Variants in SASH1 observed in about 807,000 individuals in gnomAD.
SASH1 encodes the protein SAM and SH3 domain-containing protein 1.
Under a neutral mutation model 125.2 loss-of-function variants are expected in SASH1, and 44 were observed. That is an observed-to-expected ratio of 0.35 (90% CI 0.28 to 0.45). The LOEUF (loss-of-function observed/expected upper bound fraction) is 0.45. Ranked by LOEUF, SASH1 falls within the 20% of genes least tolerant of loss-of-function variation. The pLI is 1.00. For synonymous variants in SASH1, 639 were observed against 649.1 expected, an observed-to-expected ratio of 0.98 and a Z score of 0.24; for missense variants, 1,426 against 1,614.5, an observed-to-expected ratio of 0.88 and a Z score of 2.00.
chr6:148,374,085 C>T (rs527842646), intron 1 of SASH1, among the ~76,000 whole-genome samples: 30 of 152,336 alleles, frequency 2.0e-4, no homozygotes, highest in African/African-American at 7.2e-4. Flanking sequence ...CTTGACAGTA[C>T]ATTGAATTTT....
intron 1 of SASH1, among the ~76,000 whole-genome samples, 195 bp downstream of exon 1, chr6:148,343,418 TC>T (rs780072588): frequency 7.2e-5 from 11 of 152,264 alleles, no homozygotes; most frequent in Middle Eastern, 3.4e-3. Flanking sequence ...CAGCCACAGG[TC>T]CCGTCAAAAG....
intron 2 of SASH1, among the ~76,000 whole-genome samples, chr6:148,393,172 G>A (rs904225501): frequency 1.3e-5 from 2 of 148,592 alleles, no homozygotes; most frequent in Non-Finnish European, 3.0e-5. Flanking sequence ...TCAGCCTCCC[G>A]AGTAGCTGGG....
At position 148,543,950 on chromosome 6, in the gene SASH1, G is replaced by T. The variant is rs1307777339; in HGVS notation, c.2480G>T (p.Gly827Val). 1 of 1,614,000 alleles carries T rather than the reference G, an allele frequency of 6.2e-7. No individual in the cohort carries two copies. Among genetic ancestry groups the T allele is most frequent in the Non-Finnish European group, 8.5e-7 (1 of 1,180,034 alleles). The change falls in exon 18 of 20, where the codon GGC (glycine) becomes GTC (valine). Residue 827 changes from glycine to valine, a missense_variant. This residue lies in a region of SASH1 where 634 missense variants were observed against 694.4 expected (regional missense o/e 0.91). Coordinates refer to ENST00000367467, the MANE Select transcript of SASH1 (RefSeq NM_015278.5). ...SICRSCETLE[G>V]PQTVDTWPRS... is the part of the protein sequence containing the mutation. ...TGCCGGAGCTGTGAGACCCTGGAGGGCCCCCAGACTGTGGACACTTGGCCC... is the reference window on the plus strand; with the variant it reads ...TGCCGGAGCTGTGAGACCCTGGAGGTCCCCCAGACTGTGGACACTTGGCCC...
intron 4 of SASH1, among the ~76,000 whole-genome samples, chr6:148,446,284 AT>A (rs1175820480): frequency 1.3e-5 from 2 of 151,224 alleles, no homozygotes; most frequent in Admixed American, 1.3e-4. Context: ...AATTTTTTGT[AT>A]TTTTAGTAGA....
chr6:148,306,552 T>C (rs1780134388), intron 1 of SASH1, among the ~76,000 whole-genome samples: 1 of 152,184 alleles, frequency 6.6e-6, no homozygotes, highest in East Asian at 1.9e-4. Context: ...ACTAAGTTTC[T>C]CCAGGGAGTC....
chr6:148,345,005 C>G (rs1328377183), intron 1 of SASH1, among the ~76,000 whole-genome samples: 1 of 152,200 alleles, frequency 6.6e-6, no homozygotes, highest in East Asian at 1.9e-4. Context: ...CTGCCCACCT[C>G]GGCCTCCCAA....
chr6:148,296,451 G>T (rs1208785134), intron 1 of SASH1, among the ~76,000 whole-genome samples: 3 of 152,092 alleles, frequency 2.0e-5, no homozygotes, highest in African/African-American at 7.2e-5. Context: ...CATTAAGTAT[G>T]TATTTTATTT....
chr6:148,277,844 G>A (rs6939304), intron 1 of SASH1, among the ~76,000 whole-genome samples: 2,078 of 151,962 alleles, frequency 0.014, 39 homozygotes, highest in African/African-American at 0.047. Context: ...AGCCTCCTGA[G>A]TAACTGGGAC....
At chr6:148,438,392 C>G (rs909046328) in intron 2 of SASH1, among the ~76,000 whole-genome samples, 20 of 152,296 alleles carry the variant, frequency 1.3e-4, no homozygotes, top group African/African-American at 4.8e-4. Flanking sequence ...GCACCTGAGC[C>G]TGACATCCTA....
rs778254148 is a variant in SASH1, at chr6:148,527,603, A to G, written c.1428+7A>G. 6.3e-7 allele frequency: 1 copy of G among 1,597,106 alleles called. No homozygotes were observed. The highest frequency in any genetic ancestry group is 8.5e-7 in the Non-Finnish European group (1 of 1,175,180). ...CAGCTCTGTCTCTGAGCAGGTATGC[A>G]GCTACCTGGTAGAATGTTCCCTTGG... On this transcript the variant is annotated splice_region_variant and intron_variant, in intron 12 of 19. Transcript: ENST00000367467.
the SASH1 span, among the ~76,000 whole-genome samples, chr6:148,233,925 A>C: frequency 2.0e-5 from 3 of 151,698 alleles, no homozygotes; most frequent in Non-Finnish European, 4.4e-5. Context: ...AAAAAAAAAA[A>C]CTAAATGTTC....
At chr6:148,446,817 A>G (rs893358021) in intron 4 of SASH1, among the ~76,000 whole-genome samples, 2 of 152,334 alleles carry the variant, frequency 1.3e-5, no homozygotes, top group East Asian at 1.9e-4. Flanking sequence ...ATGCAAAACT[A>G]AAGGACAGAG....
chr6:148,387,271 G>A (rs1783412157), intron 1 of SASH1, among the ~76,000 whole-genome samples: 1 of 151,454 alleles, frequency 6.6e-6, no homozygotes, highest in African/African-American at 2.4e-5. Flanking sequence ...GCACCCACCA[G>A]CAAGCCCAGC....
chr6:148,447,408 T>C (rs1776847008), intron 4 of SASH1, among the ~76,000 whole-genome samples: 1 of 152,202 alleles, frequency 6.6e-6, no homozygotes, highest in African/African-American at 2.4e-5. Flanking sequence ...CTCTCAGGTA[T>C]GTTTTATCTG....
intron 1 of SASH1, among the ~76,000 whole-genome samples, chr6:148,277,674 A>G (rs766832181): frequency 3.9e-5 from 6 of 152,026 alleles, no homozygotes; most frequent in Non-Finnish European, 7.3e-5. Context: ...TTGAAGAACC[A>G]TCTATTTTGA....
chr6:148,261,601 C>T, the SASH1 span, among the ~76,000 whole-genome samples: 1 of 152,122 alleles, frequency 6.6e-6, no homozygotes, highest in African/African-American at 2.4e-5. Context: ...CACTTCATAA[C>T]GAGGCCAGCC....
chr6:148,251,423 G>T, the SASH1 span, among the ~76,000 whole-genome samples: 6 of 152,134 alleles, frequency 3.9e-5, no homozygotes, highest in African/African-American at 1.2e-4. Context: ...ACAGTTTCTA[G>T]ATTCTTGCTC....
intron 2 of SASH1, among the ~76,000 whole-genome samples, chr6:148,391,804 G>A (rs970020489): frequency 2.0e-5 from 3 of 152,098 alleles, no homozygotes; most frequent in Admixed American, 2.0e-4. Context: ...CTTTAGTTCC[G>A]TGCCTTTCAA....
At chr6:148,521,724 A>C (rs905427101) in intron 10 of SASH1, among the ~76,000 whole-genome samples, 20 of 152,232 alleles carry the variant, frequency 1.3e-4, no homozygotes, top group African/African-American at 4.8e-4. Context: ...GCTCTGACTC[A>C]CAGATATTTT....
Sources: allele counts gnomAD v4.1 joint callset (sites outside exome capture counted in the v4.1 genomes callset), GRCh38; gene constraint gnomAD v4.1.1; regional missense constraint gnomAD v4.1.1; transcripts MANE v1.5; gene names NCBI Gene and HGNC (gene_info 2026-07-23, HGNC 2026-07-21).